The following KMT2C variants were observed in gnomAD, a reference collection of about 807,000 sequenced individuals.
KMT2C encodes lysine methyltransferase 2C.
Under a neutral mutation model 507.9 loss-of-function variants are expected in KMT2C, and 88 were observed. The observed-to-expected ratio is 0.17, with a 90% CI of 0.15 to 0.21. The LOEUF is 0.21. KMT2C is among the 10% of genes least tolerant of loss of function. KMT2C has a pLI of 1.00. For synonymous variants in KMT2C, 2,049 were observed against 2,080.8 expected, an observed-to-expected ratio of 0.98 and a Z score of 0.42; for missense variants, 4,954 against 5,957.8, an observed-to-expected ratio of 0.83 and a Z score of 5.55.
In KMT2C at chr7:152,163,509, G is replaced by A. The variant is rs1255210377; in HGVS notation, c.10068C>T (p.Ala3356=). 6.2e-7 allele frequency: 1 copy of A among 1,613,432 alleles called. No homozygotes were observed. Among genetic ancestry groups the A allele is most frequent in the Non-Finnish European group, 8.5e-7 (1 of 1,179,588 alleles). Residue 3356 remains alanine, a synonymous_variant, in exon 43 of 59, where the codon GCC becomes GCT. Coordinates refer to ENST00000262189, the MANE Select transcript of KMT2C (RefSeq NM_170606.3). ...GTGTACAAGTTTTTATTGGTAACTG[G>A]GCAATTGGGGGCTGAATTCTAGGAG... is the stretch of plus-strand genomic sequence containing the variant. ...LNPPRIQPPI[A]QLPIKTCTPA...
intron 51 of KMT2C, among the ~76,000 whole-genome samples, chr7:152,150,394 G>A (rs1216727131): frequency 6.6e-6 from 1 of 152,058 alleles, no homozygotes; most frequent in East Asian, 1.9e-4. Context: ...TGAGGTGGGC[G>A]GATCACGAGG....
rs777056437 is a variant in KMT2C, at chr7:152,136,939, G to A, written c.14644-15C>T. On this transcript the variant is annotated splice_polypyrimidine_tract_variant and intron_variant, in intron 58 of 58. Coordinates refer to ENST00000262189, the MANE Select transcript of KMT2C (RefSeq NM_170606.3). Reference sequence around the variant, plus strand: ...TCATAGCAGAGCTGCCCACGGCAAAGACACAGGGTAAGAAAGGACAGCAAG... The same window carrying A: ...TCATAGCAGAGCTGCCCACGGCAAAAACACAGGGTAAGAAAGGACAGCAAG... The A allele has an allele frequency of 1.9e-6, 3 of 1,598,916 alleles. No homozygotes were observed. The South Asian group carries it at 3.3e-5, about 18-fold the overall frequency.
chr7:152,290,461 TA>T (rs902499760), intron 6 of KMT2C, among the ~76,000 whole-genome samples: 1 of 150,528 alleles, frequency 6.6e-6, no homozygotes, highest in Admixed American at 6.7e-5. Context: ...AGGTGCCTGC[TA>T]CCATGCCCGG....
chr7:152,153,947 C>G (rs1011143115), intron 48 of KMT2C, 63 bp downstream of exon 48: 13 of 1,519,310 alleles, frequency 8.6e-6, no homozygotes, highest in Non-Finnish European at 9.1e-6. Context: ...TGGTAGACAC[C>G]TGACCCATCT....
At chr7:152,223,592 G>T (rs1380203512) in intron 20 of KMT2C, among the ~76,000 whole-genome samples, 1 of 152,026 alleles carries the variant, frequency 6.6e-6, no homozygotes, top group Non-Finnish European at 1.5e-5. Flanking sequence ...TCAAAAGATG[G>T]AGACCATCCT....
chr7:152,251,124 CA>C (rs1164177345), intron 11 of KMT2C, among the ~76,000 whole-genome samples, 158 bp from the exon 12 acceptor site: 1 of 152,138 alleles, frequency 6.6e-6, no homozygotes, highest in East Asian at 1.9e-4. Context: ...TGTATATTTA[CA>C]TTTTTAAAAA....
At chr7:152,214,448 A>G (rs2094524428) in intron 23 of KMT2C, among the ~76,000 whole-genome samples, 1 of 152,194 alleles carries the variant, frequency 6.6e-6, no homozygotes, top group Admixed American at 6.5e-5. Context: ...TGAGACGTTA[A>G]GCTAAATGAA....
Position 152,139,358 on chromosome 7 carries a change from C to T in KMT2C, c.14461-99G>A, listed in dbSNP as rs1405689528. The T allele has an allele frequency of 2.5e-5, 27 of 1,062,034 alleles. No individual in the cohort carries two copies. In the East Asian group the frequency reaches 3.6e-4, roughly 14 times the overall value. The allele number at this position is 1,062,034 out of a possible 1,614,324, so 65.8% of individuals were successfully genotyped here. The stretch of plus-strand genomic sequence containing the variant: ...AGGACTCAGTCGAAACTGAACGGAA[C>T]GGCAGCCTGATCATCCTTACTGTGG... On this transcript the variant is annotated intron_variant, in intron 56 of 58. Transcript: ENST00000262189.
intron 6 of KMT2C, among the ~76,000 whole-genome samples, chr7:152,298,750 TA>T (rs1454689901): frequency 1.3e-5 from 2 of 152,234 alleles, no homozygotes; most frequent in Non-Finnish European, 2.9e-5. Flanking sequence ...TTAAATTTTT[TA>T]TTATTTAAAT....
chr7:152,226,572 ATATT>A (rs1383195772), intron 18 of KMT2C, among the ~76,000 whole-genome samples: 1 of 152,144 alleles, frequency 6.6e-6, no homozygotes, highest in African/African-American at 2.4e-5. Flanking sequence ...TTAAACATGT[ATATT>A]TATTATTTTG....
chr7:152,331,479 C>T (rs2096882063), intron 2 of KMT2C, among the ~76,000 whole-genome samples: 1 of 151,504 alleles, frequency 6.6e-6, no homozygotes, highest in African/African-American at 2.4e-5. Context: ...CATAGTGGCA[C>T]ACACCTGTAG....
At chr7:152,282,703 G>A (rs2096240992) in intron 6 of KMT2C, among the ~76,000 whole-genome samples, 1 of 152,024 alleles carries the variant, frequency 6.6e-6, no homozygotes, top group African/African-American at 2.4e-5. Flanking sequence ...TAACCAACAG[G>A]AGGCTGAATG....
chr7:152,256,153 G>C (rs1323514697), intron 9 of KMT2C, among the ~76,000 whole-genome samples: 1 of 152,142 alleles, frequency 6.6e-6, no homozygotes, highest in Non-Finnish European at 1.5e-5. Flanking sequence ...CTGAGCGACA[G>C]AGTGAAACTC....
chr7:152,200,151 A>G (rs940175212), intron 26 of KMT2C, among the ~76,000 whole-genome samples: 5 of 152,344 alleles, frequency 3.3e-5, no homozygotes, highest in African/African-American at 1.2e-4. Flanking sequence ...CCTATGATGT[A>G]GTCTATCTGG....
intron 2 of KMT2C, among the ~76,000 whole-genome samples, chr7:152,350,468 T>C (rs1239169034): frequency 6.6e-6 from 1 of 152,204 alleles, no homozygotes; most frequent in African/African-American, 2.4e-5. Context: ...CCTAGGCTAT[T>C]TGGTACAGCC....
chr7:152,345,959 A>T (rs988765647), intron 2 of KMT2C, among the ~76,000 whole-genome samples: 1 of 152,266 alleles, frequency 6.6e-6, no homozygotes, highest in Non-Finnish European at 1.5e-5. Flanking sequence ...TAATCAAAAG[A>T]AAGCAGGAGT....
Position 152,435,731 on chromosome 7 carries a change from G to C in KMT2C, c.56C>G (p.Pro19Arg), listed in dbSNP as rs1043931017. 7 of 1,530,030 alleles carry C rather than the reference G, an allele frequency of 4.6e-6. No individual in the cohort carries two copies. In the Admixed American group the frequency reaches 6.1e-5, roughly 13 times the overall value. 94.8% of individuals were successfully genotyped at this position (1,530,030 alleles called of 1,614,324 possible). ...VEQPQPPPPP[P>R]EEPGAPAPSP... Reference sequence around the variant, plus strand: ...CGGGGCCGGGGCTCCAGGCTCCTCGGGGGGTGGTGGCGGCGGCTGCGGCTG... The same window carrying C: ...CGGGGCCGGGGCTCCAGGCTCCTCGCGGGGTGGTGGCGGCGGCTGCGGCTG... Residue 19 changes from proline to arginine, a missense_variant, in exon 1 of 59, where the codon CCC becomes CGC. By Grantham distance (103) the Pro-to-Arg change is moderately radical. Around this residue, in one of 29 missense-constraint regions of KMT2C, gnomAD observed 51 missense variants for 43.5 expected, o/e 1.17. Transcript: ENST00000262189.
intron 1 of KMT2C, among the ~76,000 whole-genome samples, chr7:152,435,116 C>T (rs956607099): frequency 1.3e-5 from 2 of 152,132 alleles, no homozygotes; most frequent in Admixed American, 6.5e-5. Context: ...AAGTCGCTGA[C>T]AAACAAAAGC....
chr7:152,145,254 G>C lies in KMT2C; in HGVS notation c.14073C>G (p.Tyr4691Ter), dbSNP rs151023183. ...GAAGTTCCATGAGAGGATTTCGGCCGTATCGGAAGGTATAATTTTCACATG... is the reference window on the plus strand; with the variant it reads ...GAAGTTCCATGAGAGGATTTCGGCCCTATCGGAAGGTATAATTTTCACATG... ...VEACENYTFR[Y>*]GRNPLMELPL... The change falls in exon 54 of 59, where the codon TAC becomes TAG. Residue 4691 changes from tyrosine to a stop codon, truncating the protein, a stop_gained. Coordinates refer to ENST00000262189, the MANE Select transcript of KMT2C (RefSeq NM_170606.3). LOFTEE classifies it high-confidence loss of function. 6.2e-7 allele frequency: 1 copy of C among 1,614,140 alleles called. No homozygotes were observed. The highest frequency in any genetic ancestry group is 8.5e-7 in the Non-Finnish European group (1 of 1,180,006).
Sources: gnomAD v4.1 joint callset for allele counts (sites outside exome capture counted in the v4.1 genomes callset) on GRCh38, gnomAD v4.1.1 for gene constraint, gnomAD v4.1.1 regional missense constraint, MANE v1.5 for transcripts, NCBI Gene and HGNC (gene_info 2026-07-23, HGNC 2026-07-21) for gene names.